The following USP15 variants were observed in gnomAD, a reference collection of about 807,000 sequenced individuals.
USP15 encodes ubiquitin carboxyl-terminal hydrolase 15.
Under a neutral mutation model 127.1 loss-of-function variants are expected in USP15, and 18 were observed. The ratio of observed to expected loss-of-function variants is 0.14; its 90% CI spans 0.10 to 0.21. The LOEUF (loss-of-function observed/expected upper bound fraction) is 0.21. USP15 is among the 10% of genes least tolerant of loss of function. The pLI is 1.00. For synonymous variants in USP15, 364 were observed against 393.7 expected, an observed-to-expected ratio of 0.92 and a Z score of 0.89; for missense variants, 805 against 1,159.9, an observed-to-expected ratio of 0.69 and a Z score of 4.44.
In USP15 at chr12:62,395,355, A is replaced by T. The variant is rs187069085; in HGVS notation, c.2571-940A>T. ...CTGAATGACAACATTCCACATTTTT[A>T]TTTTATTTTATTTTTTTATTTTTGT... On this transcript the variant is annotated intron_variant, in intron 19 of 21. Coordinates refer to ENST00000280377, the MANE Select transcript of USP15 (RefSeq NM_001252078.2). Among the ~76,000 whole-genome samples the T allele has an allele frequency of 2.6e-5, 4 of 152,048 alleles. No homozygotes were observed. In the East Asian group the frequency reaches 7.7e-4, roughly 29 times the overall value.
At chr12:62,347,763 G>A (rs2065862335) in intron 6 of USP15, among the ~76,000 whole-genome samples, 1 of 152,026 alleles carries the variant, frequency 6.6e-6, no homozygotes, top group Non-Finnish European at 1.5e-5. Context: ...ATAAAATCTT[G>A]TTAAAGGGAC....
intron 2 of USP15, among the ~76,000 whole-genome samples, chr12:62,299,026 A>AC (rs1242862700): frequency 6.6e-6 from 1 of 151,184 alleles, no homozygotes; most frequent in East Asian, 1.9e-4. Context: ...CTTTGCTGCC[A>AC]CCCCCCACTC....
rs191651026 is a variant in USP15 at position 62,411,383 on chromosome 12, T to G, written c.*7008T>G. On this transcript the variant is annotated 3_prime_UTR_variant, in exon 22 of 22. Coordinates refer to ENST00000280377, the MANE Select transcript of USP15 (RefSeq NM_001252078.2). Reference sequence around the variant, plus strand: ...TTCATTCATTCCTTCATCAAATATTTTTTGAGTGTCCACTATGTGCCAGGC... The same window carrying G: ...TTCATTCATTCCTTCATCAAATATTGTTTGAGTGTCCACTATGTGCCAGGC... 3.0e-4 allele frequency: 46 copies of G among 152,310 alleles called. No homozygotes were observed. The highest frequency in any genetic ancestry group is 6.0e-4 in the Non-Finnish European group (41 of 68,028). 9.4% of individuals were successfully genotyped at this position (152,310 alleles called of 1,614,324 possible).
intron 8 of USP15, among the ~76,000 whole-genome samples, chr12:62,363,366 A>T (rs771147479): frequency 6.6e-6 from 1 of 152,046 alleles, no homozygotes; most frequent in South Asian, 2.1e-4. Flanking sequence ...CTTATTTCCT[A>T]TCACTTACCT....
At chr12:62,282,456 A>G (rs972127629) in intron 1 of USP15, among the ~76,000 whole-genome samples, 5 of 152,240 alleles carry the variant, frequency 3.3e-5, no homozygotes, top group African/African-American at 1.2e-4. Flanking sequence ...TGGTTTCTCA[A>G]AATACCTTAC....
At chr12:62,342,306 TC>T (rs2065670664) in intron 6 of USP15, among the ~76,000 whole-genome samples, 1 of 152,146 alleles carries the variant, frequency 6.6e-6, no homozygotes, top group Admixed American at 6.6e-5. Flanking sequence ...AGTTAGCAGT[TC>T]CTGTAACCTT....
chr12:62,401,900 A>G (rs1399742010), intron 21 of USP15, among the ~76,000 whole-genome samples: 1 of 112,142 alleles, frequency 8.9e-6, no homozygotes, highest in Non-Finnish European at 1.8e-5. Context: ...ACAGATGCAT[A>G]CATATATATG....
At chr12:62,365,319 T>G (rs920181105) in intron 8 of USP15, among the ~76,000 whole-genome samples, 1 of 152,212 alleles carries the variant, frequency 6.6e-6, no homozygotes, top group South Asian at 2.1e-4. Context: ...ATGAAGAGCT[T>G]TTTTTCATAT....
At chr12:62,334,962 A>G (rs1177190166) in intron 6 of USP15, among the ~76,000 whole-genome samples, 1 of 152,188 alleles carries the variant, frequency 6.6e-6, no homozygotes, top group Non-Finnish European at 1.5e-5. Context: ...AGATACTACA[A>G]ACTTCCATTT....
intron 8 of USP15, among the ~76,000 whole-genome samples, chr12:62,361,854 G>A (rs2066328800): frequency 1.3e-5 from 2 of 151,938 alleles, no homozygotes; most frequent in African/African-American, 2.4e-5. Context: ...TTCTGGGCAG[G>A]GGAGAGGGTC....
In USP15 at chr12:62,406,935, A is replaced by G. The variant is rs2067885150; in HGVS notation, c.*2560A>G. ...AGCCGAAATCACACCCCTGCACTCCAGCCTGTGCAACATAGCAAGACTCTG... is the reference window on the plus strand; with the variant it reads ...AGCCGAAATCACACCCCTGCACTCCGGCCTGTGCAACATAGCAAGACTCTG... On this transcript the variant is annotated 3_prime_UTR_variant, in exon 22 of 22. Coordinates refer to ENST00000280377, the MANE Select transcript of USP15 (RefSeq NM_001252078.2). 6.6e-6 allele frequency: 1 copy of G among 152,120 alleles called. No homozygotes were observed. The allele number at this position is 152,120 out of a possible 1,614,324, so 9.4% of individuals were successfully genotyped here. A position where few individuals can be genotyped will look rare whatever the true frequency, so the allele number is the denominator to read the frequency against.
chr12:62,393,334 G>A (rs185483861), intron 19 of USP15, 132 bp downstream of exon 19: 13 of 1,032,156 alleles, frequency 1.3e-5, no homozygotes, highest in African/African-American at 1.6e-5. Flanking sequence ...TTGTTTTTGA[G>A]TAGTTCTAAC....
chr12:62,276,636 A>G (rs2063498428), intron 1 of USP15, among the ~76,000 whole-genome samples: 1 of 152,110 alleles, frequency 6.6e-6, no homozygotes, highest in East Asian at 1.9e-4. Context: ...ACCAAAAGGA[A>G]GTATTTTCTC....
intron 1 of USP15, among the ~76,000 whole-genome samples, chr12:62,268,479 A>G (rs1476236835): frequency 6.6e-6 from 1 of 152,144 alleles, no homozygotes; most frequent in East Asian, 1.9e-4. Context: ...TTCTTGTTTT[A>G]GCCTTGTAGT....
intron 6 of USP15, among the ~76,000 whole-genome samples, chr12:62,336,849 G>A (rs1003114914): frequency 3.9e-5 from 6 of 152,196 alleles, no homozygotes; most frequent in Admixed American, 2.0e-4. Context: ...TTGAAAAGGA[G>A]TATTTTCAGA....
At chr12:62,355,093 G>A in intron 7 of USP15, 1 of 301,768 alleles carries the variant, frequency 3.3e-6, no homozygotes, top group African/African-American at 2.2e-5. Flanking sequence ...ATATAATAGT[G>A]CTTTGTATTG....
At chr12:62,378,191 A>G (rs550397015) in intron 8 of USP15, among the ~76,000 whole-genome samples, 2 of 152,320 alleles carry the variant, frequency 1.3e-5, no homozygotes, top group Non-Finnish European at 2.9e-5. Flanking sequence ...TGGGTGACAG[A>G]GTGAGACTCC....
chr12:62,409,879 GTC>G lies in USP15; in HGVS notation c.*5509_*5510del, dbSNP rs2067995900. The G allele has an allele frequency of 6.6e-6, 1 of 151,816 alleles. No individual in the cohort carries two copies. Among genetic ancestry groups the G allele is most frequent in the African/African-American group, 2.4e-5 (1 of 41,350 alleles). 9.4% of individuals were successfully genotyped at this position (151,816 alleles called of 1,614,324 possible). ...AGATTTTGTAACATATCAAGCACAAGTCTCTCATTAAAATTTTTTTTTAATAG... is the reference window on the plus strand; with the variant it reads ...AGATTTTGTAACATATCAAGCACAAGTCTCATTAAAATTTTTTTTTAATAG... On this transcript the variant is annotated 3_prime_UTR_variant, in exon 22 of 22. Transcript: ENST00000280377.
chr12:62,301,451 CTGAA>C (rs1231689736), intron 2 of USP15, among the ~76,000 whole-genome samples: 19 of 152,028 alleles, frequency 1.2e-4, no homozygotes, highest in Non-Finnish European at 2.6e-4. Flanking sequence ...CCATCAACAC[CTGAA>C]TGGAGAAACA....
Sources: gnomAD v4.1 joint callset for allele counts (sites outside exome capture counted in the v4.1 genomes callset) on GRCh38, gnomAD v4.1.1 for gene constraint, MANE v1.5 for transcripts, NCBI Gene and HGNC (gene_info 2026-07-23, HGNC 2026-07-21) for gene names.